Variants in KIRREL1 observed in about 807,000 individuals in gnomAD.
KIRREL1 encodes kin of IRRE-like protein 1.
In KIRREL1, 25 loss-of-function variants were observed where a neutral mutation model predicts 83.3. That is an observed-to-expected ratio of 0.30 (90% CI 0.22 to 0.42). The LOEUF is 0.42. Among genes scored for constraint, KIRREL1 ranks in the 10% least tolerant of loss-of-function variants. The pLI is 1.00. For synonymous variants in KIRREL1, 388 were observed against 410.4 expected, an observed-to-expected ratio of 0.95 and a Z score of 0.66; for missense variants, 812 against 1,032.3, an observed-to-expected ratio of 0.79 and a Z score of 2.92.
At chr1:158,068,755 C>T (rs1290294749) in intron 1 of KIRREL1, among the ~76,000 whole-genome samples, 4 of 151,924 alleles carry the variant, frequency 2.6e-5, no homozygotes, top group African/African-American at 7.3e-5. Context: ...GTGAGGGGAC[C>T]TCTCTGGCTG....
At chr1:158,029,317 C>T (rs1660252517) in intron 1 of KIRREL1, among the ~76,000 whole-genome samples, 1 of 116,096 alleles carries the variant, frequency 8.6e-6, no homozygotes. Flanking sequence ...ATTCTCTCTC[C>T]CTATTGCTGT....
At chr1:158,030,116 C>T (rs1295645556) in intron 1 of KIRREL1, among the ~76,000 whole-genome samples, 1 of 152,028 alleles carries the variant, frequency 6.6e-6, no homozygotes, top group East Asian at 1.9e-4. Context: ...TAAATGGTTA[C>T]CTGAAGTTAC....
chr1:158,077,275 A>G (rs1295529466), intron 2 of KIRREL1, among the ~76,000 whole-genome samples: 2 of 152,154 alleles, frequency 1.3e-5, no homozygotes, highest in South Asian at 4.1e-4. Context: ...AGATCTATTG[A>G]TGATAGAAAG....
At chr1:158,003,160 T>C (rs1373336885) in intron 1 of KIRREL1, among the ~76,000 whole-genome samples, 1 of 152,150 alleles carries the variant, frequency 6.6e-6, no homozygotes, top group Non-Finnish European at 1.5e-5. Flanking sequence ...TACCCAGCAT[T>C]GTCAAGCCAT....
chr1:158,056,044 C>T (rs1344886932), intron 1 of KIRREL1, among the ~76,000 whole-genome samples: 1 of 152,216 alleles, frequency 6.6e-6, no homozygotes, highest in East Asian at 1.9e-4. Context: ...CTGGCTGGTG[C>T]TTCTGCAGTG....
intron 1 of KIRREL1, among the ~76,000 whole-genome samples, chr1:158,061,043 C>T (rs976988013): frequency 1.3e-5 from 2 of 152,124 alleles, no homozygotes; most frequent in Admixed American, 6.6e-5. Context: ...TCCCTGTGCC[C>T]TGCTCTGTCC....
At position 158,093,326 on chromosome 1, in the gene KIRREL1, T is replaced by A; in HGVS notation, c.1472-13T>A. 6.2e-7 allele frequency: 1 copy of A among 1,609,092 alleles called. No individual in the cohort carries two copies. The highest frequency in any genetic ancestry group is 8.5e-7 in the Non-Finnish European group (1 of 1,175,382). ...CCAGCCTCACCCCTCCACCTTTCCTTCCCCATCGAAAGAGGTGTTACCTGT... is the reference window on the plus strand; with the variant it reads ...CCAGCCTCACCCCTCCACCTTTCCTACCCCATCGAAAGAGGTGTTACCTGT... On this transcript the variant is annotated splice_polypyrimidine_tract_variant and intron_variant, in intron 11 of 14. Coordinates refer to ENST00000359209, the MANE Select transcript of KIRREL1 (RefSeq NM_018240.7).
At chr1:158,089,880 T>A in intron 10 of KIRREL1, 62 bp downstream of exon 10, 1 of 1,405,516 alleles carries the variant, frequency 7.1e-7, no homozygotes, top group Non-Finnish European at 1.0e-6. Flanking sequence ...AGGCCCAGCC[T>A]CCTCTCACTT....
rs1305958311 is a variant in KIRREL1 at position 158,096,630 on chromosome 1, C to G, written c.*1510C>G. 2 of 456,854 alleles carry G rather than the reference C, an allele frequency of 4.4e-6. No homozygotes were observed. Among genetic ancestry groups the G allele is most frequent in the East Asian group, 6.9e-5 (1 of 14,390 alleles). 28.3% of individuals were successfully genotyped at this position (456,854 alleles called of 1,614,324 possible). On this transcript the variant is annotated 3_prime_UTR_variant, in exon 15 of 15. Coordinates refer to ENST00000359209, the MANE Select transcript of KIRREL1 (RefSeq NM_018240.7). The stretch of plus-strand genomic sequence containing the variant: ...GCGGAAGGGCACCGCAGGCATTACA[C>G]AGGCCATTTCTCCTCCTCCATGTGC...
intron 1 of KIRREL1, among the ~76,000 whole-genome samples, chr1:158,016,723 T>A (rs1283518839): frequency 6.6e-6 from 1 of 152,186 alleles, no homozygotes; most frequent in East Asian, 1.9e-4. Context: ...GATTAAGATT[T>A]TTCCATGGTT....
chr1:158,057,184 G>A lies in KIRREL1; in HGVS notation c.53-18929G>A, dbSNP rs770605760. Among the ~76,000 whole-genome samples, 6 of 152,150 alleles carry A rather than the reference G, an allele frequency of 3.9e-5. No individual in the cohort carries two copies. The East Asian group carries it at 5.8e-4, about 15-fold the overall frequency. ...TGCCCCCAGCACTGTGGCCTAACAC[G>A]AAGAGAGCTGAGGGTTGACACCTCC... On this transcript the variant is annotated intron_variant, in intron 1 of 14. Transcript: ENST00000359209.
At chr1:158,091,287 CA>C in intron 10 of KIRREL1, 70 bp from the exon 11 acceptor site, 1 of 1,439,046 alleles carries the variant, frequency 6.9e-7, no homozygotes, top group Non-Finnish European at 9.6e-7. Flanking sequence ...GAGGGTGGAT[CA>C]GGGGACACGT....
At chr1:158,000,522 C>T (rs1659332169) in intron 1 of KIRREL1, among the ~76,000 whole-genome samples, 1 of 152,204 alleles carries the variant, frequency 6.6e-6, no homozygotes. Flanking sequence ...TTATACCTTC[C>T]TACGTCTGAT....
intron 1 of KIRREL1, among the ~76,000 whole-genome samples, chr1:158,010,396 TACACACAC>T (rs56077512): frequency 0.033 from 1,460 of 44,526 alleles, 9 homozygotes; most frequent in African/African-American, 0.049. Context: ...CACACATGCA[TACACACAC>T]ACACACACAC....
chr1:158,075,621 T>C (rs766404640), intron 1 of KIRREL1, among the ~76,000 whole-genome samples: 16 of 152,216 alleles, frequency 1.1e-4, no homozygotes, highest in Non-Finnish European at 2.1e-4. Context: ...TTGGTTCACA[T>C]TGACTCCCAT....
chr1:158,073,225 C>G (rs1372635359), intron 1 of KIRREL1, among the ~76,000 whole-genome samples: 1 of 152,170 alleles, frequency 6.6e-6, no homozygotes, highest in South Asian at 2.1e-4. Flanking sequence ...CCCCTCCTTT[C>G]TGGACTCTCT....
intron 1 of KIRREL1, among the ~76,000 whole-genome samples, chr1:158,029,497 G>T (rs1660265620): frequency 6.6e-6 from 1 of 152,198 alleles, no homozygotes; most frequent in Non-Finnish European, 1.5e-5. Context: ...GTTAGAAGGT[G>T]AATAGTTATG....
intron 2 of KIRREL1, 49 bp from the exon 3 acceptor site, chr1:158,077,942 G>C: frequency 3.7e-6 from 6 of 1,605,966 alleles, no homozygotes; most frequent in Non-Finnish European, 4.3e-6. Context: ...GGATGGCTGA[G>C]GATGTGTCCT....
intron 3 of KIRREL1, among the ~76,000 whole-genome samples, chr1:158,080,923 G>GATAAACATTTGTTTATCCTCTTCGAGC (rs1558014141): frequency 2.0e-5 from 3 of 146,994 alleles, no homozygotes; most frequent in South Asian, 2.1e-4. Flanking sequence ...CAGAGACTAG[G>GATAAACATTTGTTTATCCTCTTCGAGC]CAGGGCAGAA....
Sources: gnomAD v4.1 joint callset for allele counts (sites outside exome capture counted in the v4.1 genomes callset) on GRCh38, gnomAD v4.1.1 for gene constraint, MANE v1.5 for transcripts, NCBI Gene and HGNC (gene_info 2026-07-23, HGNC 2026-07-21) for gene names.